Variants in RORA observed in about 807,000 individuals in gnomAD.
The protein encoded by RORA is RAR related orphan receptor A, also known as nuclear receptor ROR-alpha.
RORA carries 7 observed loss-of-function variants against 69.5 expected under a neutral mutation model. The ratio of observed to expected loss-of-function variants is 0.10; its 90% CI spans 0.06 to 0.19. The LOEUF (loss-of-function observed/expected upper bound fraction) is 0.19, where lower values mean the gene tolerates loss of function less well. Among genes scored for constraint, RORA ranks in the 10% least tolerant of loss-of-function variants. The pLI, the probability that RORA is intolerant of heterozygous loss-of-function variation, is 1.00. For synonymous variants in RORA, 261 were observed against 240.8 expected (o/e 1.08, Z -0.78); for missense variants, 457 against 663.0 (o/e 0.69, Z 3.41).
At chr15:60,591,107 C>T (rs1018440864) in intron 2 of RORA, among the ~76,000 whole-genome samples, 4 of 152,226 alleles carry the variant, frequency 2.6e-5, no homozygotes, top group Admixed American at 6.5e-5. Context: ...AAACGTTTAA[C>T]AGGCGCTTGG....
At chr15:61,152,495 ATAT>A (rs1405552109) in intron 1 of RORA, among the ~76,000 whole-genome samples, 6 of 150,248 alleles carry the variant, frequency 4.0e-5, no homozygotes, top group Non-Finnish European at 4.4e-5. Flanking sequence ...ATATTATAAA[ATAT>A]TATATGTAAA....
Position 60,558,252 on chromosome 15 carries a change from A to C in RORA, c.197-26401T>G, listed in dbSNP as rs765312375. On this transcript the variant is annotated intron_variant, in intron 2 of 10. Coordinates refer to ENST00000335670, the MANE Select transcript of RORA (RefSeq NM_134261.3). ...AGACGCCAGTAAGAACAAAAGCATC[A>C]CCTGAAGACAGGATACACTGATGGA... 1.9e-6 allele frequency: 3 copies of C among 1,612,194 alleles called. No individual in the cohort carries two copies. The highest frequency in any genetic ancestry group is 1.7e-6 in the Non-Finnish European group (2 of 1,179,632).
At chr15:60,765,504 T>G (rs932676755) in intron 1 of RORA, 1 of 152,130 alleles carries the variant, frequency 6.6e-6, no homozygotes, top group African/African-American at 2.4e-5. Flanking sequence ...TTGTGTAAGA[T>G]TCCCACACCC....
At chr15:60,851,762 G>A (rs2073327387) in intron 1 of RORA, among the ~76,000 whole-genome samples, 2 of 148,598 alleles carry the variant, frequency 1.3e-5, no homozygotes, top group South Asian at 2.1e-4. Context: ...GTGGGTGGGT[G>A]AGAGAGAGAG....
At chr15:60,759,745 G>C (rs924613087) in intron 1 of RORA, among the ~76,000 whole-genome samples, 1 of 152,112 alleles carries the variant, frequency 6.6e-6, no homozygotes, top group Non-Finnish European at 1.5e-5. Flanking sequence ...GGAGCTGCCA[G>C]TTTCATTTTC....
chr15:60,642,916 G>C (rs562436256), intron 2 of RORA, among the ~76,000 whole-genome samples: 8 of 152,020 alleles, frequency 5.3e-5, no homozygotes, highest in African/African-American at 1.9e-4. Flanking sequence ...CAGCCATTTG[G>C]GAGGTTGAGG....
At chr15:60,834,197 C>CAA (rs2073084700) in intron 1 of RORA, among the ~76,000 whole-genome samples, 1 of 152,176 alleles carries the variant, frequency 6.6e-6, no homozygotes, top group Non-Finnish European at 1.5e-5. Context: ...AAAGAAGGCA[C>CAA]AAAATAGCGG....
intron 1 of RORA, among the ~76,000 whole-genome samples, chr15:61,113,234 G>A (rs1364831557): frequency 3.3e-5 from 5 of 152,238 alleles, no homozygotes. Context: ...GTACAGAAAT[G>A]CTGCATTTGC....
intron 1 of RORA, among the ~76,000 whole-genome samples, chr15:61,041,765 G>C (rs988929470): frequency 6.6e-6 from 1 of 152,130 alleles, no homozygotes; most frequent in African/African-American, 2.4e-5. Context: ...GGCTCAGAGA[G>C]GTTCATCCCC....
intron 1 of RORA, among the ~76,000 whole-genome samples, chr15:60,759,359 T>C (rs551794188): frequency 6.6e-6 from 1 of 152,350 alleles, no homozygotes; most frequent in South Asian, 2.1e-4. Flanking sequence ...TGCTGGATTT[T>C]ATCTTGAGAT....
At chr15:61,091,138 G>A (rs920355328) in intron 1 of RORA, among the ~76,000 whole-genome samples, 2 of 152,008 alleles carry the variant, frequency 1.3e-5, no homozygotes, top group African/African-American at 2.4e-5. Context: ...TTTTGTATCC[G>A]AGCCATGCCA....
At chr15:60,891,433 G>A (rs1204251300) in intron 1 of RORA, among the ~76,000 whole-genome samples, 1 of 152,198 alleles carries the variant, frequency 6.6e-6, no homozygotes, top group Non-Finnish European at 1.5e-5. Context: ...CATCCAGGGA[G>A]ACCCTCAGGT....
chr15:60,777,211 AAG>A (rs2072181462), intron 1 of RORA, among the ~76,000 whole-genome samples: 1 of 152,246 alleles, frequency 6.6e-6, no homozygotes, highest in African/African-American at 2.4e-5. Flanking sequence ...TTCTCTAACA[AAG>A]TATATTCCAA....
At chr15:60,830,385 G>A (rs1361298406) in intron 1 of RORA, among the ~76,000 whole-genome samples, 1 of 152,154 alleles carries the variant, frequency 6.6e-6, no homozygotes, top group Non-Finnish European at 1.5e-5. Flanking sequence ...TGCTGCAGAT[G>A]CAGTTTTAGA....
At chr15:61,013,932 C>T (rs980388257) in intron 1 of RORA, among the ~76,000 whole-genome samples, 6 of 151,968 alleles carry the variant, frequency 3.9e-5, no homozygotes, top group Admixed American at 1.3e-4. Flanking sequence ...TACAGGCGCC[C>T]GCCACCACGC....
At chr15:60,618,981 A>G (rs1332547334) in intron 2 of RORA, among the ~76,000 whole-genome samples, 1 of 152,204 alleles carries the variant, frequency 6.6e-6, no homozygotes, top group Admixed American at 6.5e-5. Flanking sequence ...TCAAATGCAA[A>G]CTTGACAGGT....
intron 1 of RORA, among the ~76,000 whole-genome samples, chr15:60,762,862 A>G (rs995360200): frequency 6.6e-6 from 1 of 152,110 alleles, no homozygotes; most frequent in African/African-American, 2.4e-5. Context: ...TGCTTTGCCA[A>G]TTAGAACTTC....
At chr15:61,057,454 C>T (rs541198201) in intron 1 of RORA, among the ~76,000 whole-genome samples, 2 of 152,308 alleles carry the variant, frequency 1.3e-5, no homozygotes, top group East Asian at 1.9e-4. Context: ...GGAAGGCAAG[C>T]GCCTTCAGCA....
intron 2 of RORA, among the ~76,000 whole-genome samples, chr15:60,666,965 GGCCACAGTCAAATTCTAGAGAAA>G (rs755456145): frequency 6.6e-6 from 1 of 152,164 alleles, no homozygotes; most frequent in Non-Finnish European, 1.5e-5. Context: ...TTCTAGAGAA[GGCCACAGTCAAATTCTAGAGAAA>G]GCCACAGTTT....
Sources: gnomAD v4.1 joint callset for allele counts (sites outside exome capture counted in the v4.1 genomes callset) on GRCh38, gnomAD v4.1.1 for gene constraint, MANE v1.5 for transcripts, NCBI Gene and HGNC (gene_info 2026-07-23, HGNC 2026-07-21) for gene names.